Variants in STRN4 observed in about 807,000 individuals in gnomAD.
The protein encoded by STRN4 is striatin 4.
A neutral mutation model predicts 77.9 loss-of-function variants in STRN4; 27 were observed. The observed-to-expected ratio is 0.35, with a 90% CI of 0.26 to 0.48. The LOEUF (loss-of-function observed/expected upper bound fraction) is 0.48, where lower values mean the gene tolerates loss of function less well. STRN4 is among the 20% of genes least tolerant of loss of function. The pLI is 0.99. For synonymous variants in STRN4, 466 were observed against 443.1 expected, an observed-to-expected ratio of 1.05 and a Z score of -0.65; for missense variants, 798 against 1,049.7, an observed-to-expected ratio of 0.76 and a Z score of 3.31.
At chr19:46,731,048 A>C in intron 5 of STRN4, 175 bp from the exon 6 acceptor site, 1 of 851,550 alleles carries the variant, frequency 1.2e-6, no homozygotes, top group Non-Finnish European at 1.8e-6. Context: ...CTGCCCAACA[A>C]ATGCTCATTC....
Position 46,746,095 on chromosome 19 carries a change from G to A in STRN4, c.282+54C>T. ...TGGCGGCGGCGGCGGCAGCGGGTGAGGCCGGGCCGGGCCGGGCCGGGTTGG... is the reference window on the plus strand; with the variant it reads ...TGGCGGCGGCGGCGGCAGCGGGTGAAGCCGGGCCGGGCCGGGCCGGGTTGG... On this transcript the variant is annotated intron_variant, in intron 1 of 17. Transcript: ENST00000263280. The A allele has an allele frequency of 7.3e-7, 1 of 1,369,236 alleles. No homozygotes were observed. Among genetic ancestry groups the A allele is most frequent in the Non-Finnish European group, 9.4e-7 (1 of 1,058,996 alleles). 84.8% of individuals were successfully genotyped at this position (1,369,236 alleles called of 1,614,324 possible). A position where few individuals can be genotyped will look rare whatever the true frequency, so the allele number is the denominator to read the frequency against.
At chr19:46,725,074 C>A in intron 11 of STRN4, 146 bp from the exon 12 acceptor site, 1 of 1,309,324 alleles carries the variant, frequency 7.6e-7, no homozygotes, top group South Asian at 1.4e-5. Context: ...CCTGGACAAG[C>A]TGCCTGTCCC....
rs2054480213 is a variant in STRN4 at position 46,741,839 on chromosome 19, C to T, written c.283-2951G>A. Among the ~76,000 whole-genome samples, 2 of 152,362 alleles carry T rather than the reference C, an allele frequency of 1.3e-5. No individual in the cohort carries two copies. The highest frequency in any genetic ancestry group is 2.1e-4 in the South Asian group (1 of 4,834). ...AGCTGGGAAGAGTCCCCGTTTCGTG[C>T]CATCTAGCCCTGCATCTCCTAAGGG... On this transcript the variant is annotated intron_variant, in intron 1 of 17. Coordinates refer to ENST00000263280, the MANE Select transcript of STRN4 (RefSeq NM_013403.3). This position sits in a 1 kb window ranked among gnomAD's most constrained non-coding sequence, Gnocchi z 4.9.
chr19:46,728,122 T>A, intron 7 of STRN4, 115 bp from the exon 8 acceptor site: 1 of 986,622 alleles, frequency 1.0e-6, no homozygotes, highest in Non-Finnish European at 1.6e-6. Flanking sequence ...TGTGAAGCTC[T>A]GGCCCTGGGG....
Position 46,728,019 on chromosome 19 carries a change from A to G in STRN4, c.1040-12T>C, listed in dbSNP as rs1286248502. On this transcript the variant is annotated splice_polypyrimidine_tract_variant and intron_variant, in intron 7 of 17. Transcript: ENST00000263280. ...GACCCGACGGCTTTCTGCAGGGTCG[A>G]GGCATAGGGCCGGAGTCACCCAGCA... 6.2e-7 allele frequency: 1 copy of G among 1,612,418 alleles called. No homozygotes were observed. The highest frequency in any genetic ancestry group is 1.1e-5 in the South Asian group (1 of 90,846).
intron 1 of STRN4, chr19:46,740,348 G>A (rs560321042): frequency 6.6e-6 from 1 of 151,668 alleles, no homozygotes; most frequent in East Asian, 1.9e-4. Context: ...TCATCTGTCC[G>A]CTTCAAGAAT....
At position 46,741,589 on chromosome 19, in the gene STRN4, CGGGG is replaced by C. The variant is rs1487499246; in HGVS notation, c.283-2705_283-2702del. On this transcript the variant is annotated intron_variant, in intron 1 of 17. Transcript: ENST00000263280. The surrounding 1 kb of genome is among the most constrained non-coding windows in gnomAD (Gnocchi z 4.9). ...GGCCAAGGTAGGCCTGAGGGTCGGT[CGGGG>C]ATCTGGAAGTGCCGCTCACCATATC... Among the ~76,000 whole-genome samples the C allele has an allele frequency of 6.6e-6, 1 of 152,168 alleles. No individual in the cohort carries two copies. Among genetic ancestry groups the C allele is most frequent in the East Asian group, 1.9e-4 (1 of 5,186 alleles).
At chr19:46,737,595 T>C (rs1455955910) in intron 3 of STRN4, among the ~76,000 whole-genome samples, 1 of 126,360 alleles carries the variant, frequency 7.9e-6, no homozygotes, top group Non-Finnish European at 1.6e-5. Context: ...ACCGACTCCC[T>C]GTCCCCTAAC....
intron 12 of STRN4, 122 bp downstream of exon 12, chr19:46,724,685 G>A (rs561166430): frequency 2.1e-6 from 3 of 1,431,372 alleles, no homozygotes; most frequent in Non-Finnish European, 2.9e-6. Context: ...AGACAGGGGA[G>A]CCGTCACACG....
chr19:46,739,163 A>G lies in STRN4; in HGVS notation c.283-275T>C, dbSNP rs1243493282. The G allele has an allele frequency of 3.0e-5, 13 of 439,404 alleles. No homozygotes were observed. In the East Asian group the frequency reaches 5.8e-4, roughly 20 times the overall value. The allele number at this position is 439,404 out of a possible 1,614,324, so 27.2% of individuals were successfully genotyped here. ...TAACAATGGGGCCAGCCTGGGCCTC[A>G]CCTGGTGGCTGCCTTTGGGGGGAAG... On this transcript the variant is annotated intron_variant, in intron 1 of 17. Transcript: ENST00000263280.
chr19:46,723,736 T>G lies in STRN4; in HGVS notation c.1595-452A>C, dbSNP rs1313678569. 6.6e-6 allele frequency among the ~76,000 whole-genome samples: 1 copy of G among 152,190 alleles called. No individual in the cohort carries two copies. The highest frequency in any genetic ancestry group is 1.5e-5 in the Non-Finnish European group (1 of 68,032). On this transcript the variant is annotated intron_variant, in intron 12 of 17. Coordinates refer to ENST00000263280, the MANE Select transcript of STRN4 (RefSeq NM_013403.3). The surrounding 1 kb of genome is among the most constrained non-coding windows in gnomAD (Gnocchi z 5.5). ...TTTGCCTGGTCTCTCCAAAGCCCCCTGGTCATTCAGAGGTCCAATCACTGC... is the reference window on the plus strand; with the variant it reads ...TTTGCCTGGTCTCTCCAAAGCCCCCGGGTCATTCAGAGGTCCAATCACTGC...
chr19:46,725,257 C>T (rs752363915), intron 11 of STRN4, 75 bp downstream of exon 11: 49 of 1,603,616 alleles, frequency 3.1e-5, no homozygotes, highest in Non-Finnish European at 3.8e-5. Flanking sequence ...GGGCCTCCCG[C>T]GATGGCAGTG....
chr19:46,734,581 T>C (rs192833320), intron 4 of STRN4, among the ~76,000 whole-genome samples: 97 of 152,364 alleles, frequency 6.4e-4, no homozygotes, highest in African/African-American at 2.1e-3. Flanking sequence ...TTGGGTTTTT[T>C]TCCTCCATAG....
At position 46,738,959 on chromosome 19, in the gene STRN4, C is replaced by T. The variant is rs1396915495; in HGVS notation, c.283-71G>A. 2 of 1,356,618 alleles carry T rather than the reference C, an allele frequency of 1.5e-6. No individual in the cohort carries two copies. Among genetic ancestry groups the T allele is most frequent in the Admixed American group, 1.7e-5 (1 of 59,100 alleles). The allele number at this position is 1,356,618 out of a possible 1,614,324, so 84.0% of individuals were successfully genotyped here. On this transcript the variant is annotated intron_variant, in intron 1 of 17. Transcript: ENST00000263280. The surrounding 1 kb of genome is among the most constrained non-coding windows in gnomAD (Gnocchi z 4.5). ...TCAATGCCGGTGTGTCTATCACTCA[C>T]CCAGGTATAGTGCCAGCCCACAGTC...
chr19:46,738,919 T>G lies in STRN4; in HGVS notation c.283-31A>C. ...AGGGCAGACAGGAGGCAAAGGGAGA[T>G]AATGGGGCTCAGGCTCAATGCCGGT... On this transcript the variant is annotated intron_variant, in intron 1 of 17. Transcript: ENST00000263280. The surrounding 1 kb of genome is among the most constrained non-coding windows in gnomAD (Gnocchi z 4.5). 3.1e-6 allele frequency: 5 copies of G among 1,591,574 alleles called. No homozygotes were observed. Among genetic ancestry groups the G allele is most frequent in the Non-Finnish European group, 4.3e-6 (5 of 1,161,682 alleles).
Position 46,725,471 on chromosome 19 carries a change from A to C in STRN4, c.1424+2T>G. The C allele has an allele frequency of 6.2e-7, 1 of 1,613,024 alleles. No individual in the cohort carries two copies. Among genetic ancestry groups the C allele is most frequent in the Non-Finnish European group, 8.5e-7 (1 of 1,179,658 alleles). ...CCCCGGCTCTGAGCTTGCTGCCCTCACTTCTTGGCCGTGACCGCCTTCTGC... is the reference window on the plus strand; with the variant it reads ...CCCCGGCTCTGAGCTTGCTGCCCTCCCTTCTTGGCCGTGACCGCCTTCTGC... On this transcript the variant is annotated splice_donor_variant, in intron 10 of 17. Coordinates refer to ENST00000263280, the MANE Select transcript of STRN4 (RefSeq NM_013403.3). LOFTEE classifies it high-confidence loss of function.
chr19:46,725,416 CCT>C (rs766619178), intron 10 of STRN4, 37 bp from the exon 11 acceptor site: 31 of 1,613,830 alleles, frequency 1.9e-5, no homozygotes, highest in East Asian at 4.5e-5. Flanking sequence ...TCACTGAGAC[CCT>C]GTCACCCCCG....
chr19:46,736,794 C>T (rs759361656), intron 4 of STRN4, 29 bp downstream of exon 4: 3 of 1,608,310 alleles, frequency 1.9e-6, no homozygotes, highest in Non-Finnish European at 2.6e-6. Context: ...TGTCACGTGT[C>T]CCCAGCCCCC....
rs2053942592 is a variant in STRN4, at chr19:46,720,160, G to C, written c.*245C>G. The stretch of plus-strand genomic sequence containing the variant: ...CAGGAGCGGCTGTCAGGGCACAGGG[G>C]GAAACCCCGAGGCCATCCTCGGGGG... On this transcript the variant is annotated 3_prime_UTR_variant, in exon 18 of 18. Coordinates refer to ENST00000263280, the MANE Select transcript of STRN4 (RefSeq NM_013403.3). The C allele has an allele frequency of 6.4e-6, 1 of 155,988 alleles. No individual in the cohort carries two copies. Among genetic ancestry groups the C allele is most frequent in the Admixed American group, 6.5e-5 (1 of 15,370 alleles). 9.7% of individuals were successfully genotyped at this position (155,988 alleles called of 1,614,324 possible). A position where few individuals can be genotyped will look rare whatever the true frequency, so the allele number is the denominator to read the frequency against.
Sources: allele counts gnomAD v4.1 joint callset (sites outside exome capture counted in the v4.1 genomes callset), GRCh38; gene constraint gnomAD v4.1.1; non-coding constraint Gnocchi (gnomAD v3.1); transcripts MANE v1.5; gene names NCBI Gene and HGNC (gene_info 2026-07-23, HGNC 2026-07-21).